The following CPNE4 variants were observed in gnomAD, a reference collection of about 807,000 sequenced individuals.
CPNE4 encodes the protein copine 4, also known as copine-4.
CPNE4 carries 25 observed loss-of-function variants against 67.9 expected under a neutral mutation model. The ratio of observed to expected loss-of-function variants is 0.37; its 90% CI spans 0.27 to 0.51. The LOEUF (loss-of-function observed/expected upper bound fraction) is 0.51. CPNE4 is among the 20% of genes least tolerant of loss of function. The probability of loss-of-function intolerance (pLI) is 0.93; values close to 1 mark genes in which losing one functional copy is unlikely to be tolerated. For missense variants in CPNE4, 464 were observed against 690.8 expected (o/e 0.67, Z 3.68); for synonymous variants, 242 against 244.9 (o/e 0.99, Z 0.11).
chr3:131,596,758 T>C (rs1938905654), intron 7 of CPNE4, among the ~76,000 whole-genome samples: 1 of 152,098 alleles, frequency 6.6e-6, no homozygotes, highest in African/African-American at 2.4e-5. Context: ...ATTCTGCCTG[T>C]GGACAGGATC....
intron 2 of CPNE4, among the ~76,000 whole-genome samples, chr3:131,877,219 A>G (rs1046832159): frequency 2.0e-5 from 3 of 152,132 alleles, no homozygotes; most frequent in African/African-American, 7.2e-5. Flanking sequence ...GATTCCAGAC[A>G]TGGATGATAC....
intron 1 of CPNE4, among the ~76,000 whole-genome samples, chr3:131,933,602 A>G (rs1039722134): frequency 4.6e-5 from 7 of 152,182 alleles, no homozygotes; most frequent in African/African-American, 1.7e-4. Flanking sequence ...CATTATTAAC[A>G]GTAGCCAAGC....
chr3:131,854,547 TA>T (rs1176327253), intron 2 of CPNE4, among the ~76,000 whole-genome samples: 3 of 151,926 alleles, frequency 2.0e-5, no homozygotes, highest in Non-Finnish European at 4.4e-5. Context: ...TTCAATTTTT[TA>T]AAAAATTGGT....
chr3:131,541,176 C>A (rs1935461521), intron 15 of CPNE4, among the ~76,000 whole-genome samples: 1 of 152,114 alleles, frequency 6.6e-6, no homozygotes, highest in African/African-American at 2.4e-5. Flanking sequence ...CCCAAGTTAC[C>A]CCCACAGGTG....
chr3:131,656,602 T>C (rs968568014), intron 7 of CPNE4, among the ~76,000 whole-genome samples: 1 of 152,242 alleles, frequency 6.6e-6, no homozygotes, highest in South Asian at 2.1e-4. Flanking sequence ...ATTAAGAATC[T>C]ACTATATGCC....
chr3:131,719,210 C>A (rs952246663), intron 3 of CPNE4, among the ~76,000 whole-genome samples: 2 of 152,170 alleles, frequency 1.3e-5, no homozygotes, highest in Admixed American at 6.5e-5. Flanking sequence ...AACAGGTGAC[C>A]TCCTCTCATC....
Position 131,990,882 on chromosome 3 carries a change from T to C in CPNE4, c.-2+43685A>G, listed in dbSNP as rs1012057737. ...GAGGTAACTGAATCACGGGGGAAGT[T>C]ACTCCCATGCTTTCTTGTGACAGTG... is the stretch of plus-strand genomic sequence containing the variant. On this transcript the variant is annotated intron_variant, in intron 1 of 15. Coordinates refer to ENST00000429747, the MANE Select transcript of CPNE4 (RefSeq NM_130808.3). Among the ~76,000 whole-genome samples, 7 of 135,688 alleles carry C rather than the reference T, an allele frequency of 5.2e-5. 1 individual carries two copies. The highest frequency in any genetic ancestry group is 3.3e-4 in the Admixed American group (4 of 12,022). 89.0% of individuals were successfully genotyped at this position (135,688 alleles called of 152,430 possible).
At chr3:131,653,624 A>C (rs1031238063) in intron 7 of CPNE4, among the ~76,000 whole-genome samples, 2 of 152,162 alleles carry the variant, frequency 1.3e-5, no homozygotes, top group African/African-American at 4.8e-5. Flanking sequence ...ACTCCTTAAC[A>C]TGATCCAAAT....
chr3:131,822,260 T>C (rs955567647), intron 2 of CPNE4, among the ~76,000 whole-genome samples: 2 of 152,192 alleles, frequency 1.3e-5, no homozygotes, highest in African/African-American at 2.4e-5. Flanking sequence ...ACTGCTTTTA[T>C]AGGATTTGAA....
chr3:132,018,423 C>T (rs1008563348), intron 1 of CPNE4, among the ~76,000 whole-genome samples: 1 of 152,158 alleles, frequency 6.6e-6, no homozygotes, highest in African/African-American at 2.4e-5. Flanking sequence ...CAGGGGTTTG[C>T]TAATCAGGAA....
chr3:131,625,088 G>A (rs2079041222), intron 7 of CPNE4, among the ~76,000 whole-genome samples: 1 of 151,994 alleles, frequency 6.6e-6, no homozygotes, highest in Non-Finnish European at 1.5e-5. Context: ...CCATTATTAA[G>A]CCTTTCTCTC....
chr3:131,622,424 C>T (rs1582907669), intron 7 of CPNE4, among the ~76,000 whole-genome samples: 1 of 152,140 alleles, frequency 6.6e-6, no homozygotes, highest in African/African-American at 2.4e-5. Flanking sequence ...TACTATGAAA[C>T]ATATTGTGAA....
chr3:131,646,129 A>G (rs1049774262), intron 7 of CPNE4, among the ~76,000 whole-genome samples: 4 of 152,190 alleles, frequency 2.6e-5, no homozygotes, highest in Non-Finnish European at 5.9e-5. Context: ...AAAATCTGTC[A>G]TTTCATACTG....
chr3:131,976,729 A>G (rs2072665015), intron 1 of CPNE4, among the ~76,000 whole-genome samples: 1 of 152,228 alleles, frequency 6.6e-6, no homozygotes, highest in African/African-American at 2.4e-5. Flanking sequence ...TGAAAGGGAT[A>G]AACAGTTAAC....
At chr3:131,859,898 C>T (rs2086602211) in intron 2 of CPNE4, among the ~76,000 whole-genome samples, 2 of 152,122 alleles carry the variant, frequency 1.3e-5, no homozygotes. Flanking sequence ...AATACTAACC[C>T]AATAGATCAT....
intron 1 of CPNE4, among the ~76,000 whole-genome samples, chr3:131,973,572 T>G (rs1346193750): frequency 6.6e-6 from 1 of 152,178 alleles, no homozygotes; most frequent in Non-Finnish European, 1.5e-5. Context: ...ATCAAAAAGT[T>G]TAAGTAATTT....
chr3:131,600,791 G>A (rs1939160753), intron 7 of CPNE4, among the ~76,000 whole-genome samples: 1 of 152,030 alleles, frequency 6.6e-6, no homozygotes, highest in Non-Finnish European at 1.5e-5. Flanking sequence ...TAGTAGAAGG[G>A]GCATCTCAAA....
chr3:131,801,452 G>GTGTGTGTGTGTATA (rs761978890), intron 2 of CPNE4, among the ~76,000 whole-genome samples: 11 of 53,346 alleles, frequency 2.1e-4, no homozygotes, highest in Admixed American at 4.4e-4. Flanking sequence ...GTGTGTGTGT[G>GTGTGTGTGTGTATA]TATATATATA....
chr3:131,737,050 T>A (rs543162551), intron 2 of CPNE4, among the ~76,000 whole-genome samples: 7 of 151,586 alleles, frequency 4.6e-5, no homozygotes, highest in African/African-American at 1.7e-4. Context: ...CTCCTTTCCA[T>A]TCTAAAATTT....
Sources: allele counts gnomAD v4.1 joint callset (sites outside exome capture counted in the v4.1 genomes callset), GRCh38; gene constraint gnomAD v4.1.1; transcripts MANE v1.5; gene names NCBI Gene and HGNC (gene_info 2026-07-23, HGNC 2026-07-21).